The following PRC1 variants were observed in gnomAD, a reference collection of about 807,000 sequenced individuals.
The protein encoded by PRC1 is anaphase spindle elongation 1 homolog.
PRC1 carries 54 observed loss-of-function variants against 91.2 expected under a neutral mutation model. That is an observed-to-expected ratio of 0.59 (90% CI 0.48 to 0.74). The LOEUF (loss-of-function observed/expected upper bound fraction) is 0.74, where lower values mean the gene tolerates loss of function less well. PRC1 is among the 30% of genes least tolerant of loss of function. The probability of loss-of-function intolerance (pLI) is 0.00; values close to 1 mark genes in which losing one functional copy is unlikely to be tolerated. For synonymous variants in PRC1, 275 were observed against 263.6 expected, an observed-to-expected ratio of 1.04 and a Z score of -0.42; for missense variants, 727 against 746.2, an observed-to-expected ratio of 0.97 and a Z score of 0.30.
intron 1 of PRC1, among the ~76,000 whole-genome samples, chr15:90,989,364 T>C (rs1441271118): frequency 1.3e-5 from 2 of 151,644 alleles, no homozygotes; most frequent in Non-Finnish European, 2.9e-5. Context: ...TCTCCTACCT[T>C]AGTCTCCCAA....
At position 90,968,380 on chromosome 15, in the gene PRC1, G is replaced by GA. The variant is rs1380905826; in HGVS notation, c.1791+698dup. On this transcript the variant is annotated intron_variant, in intron 14 of 14. Transcript: ENST00000394249. ...CATTCTCTATCCCTGCAGCAATTAA[G>GA]AGGGGAGGCAGGCTAGGGGTTTAAC... is the stretch of plus-strand genomic sequence containing the variant. The GA allele has an allele frequency of 3.0e-6, 3 of 985,434 alleles. No individual in the cohort carries two copies. The African/African-American group carries it at 5.2e-5, about 17-fold the overall frequency. The allele number at this position is 985,434 out of a possible 1,614,324, so 61.0% of individuals were successfully genotyped here. A position where few individuals can be genotyped will look rare whatever the true frequency, so the allele number is the denominator to read the frequency against.
chr15:90,984,674 C>A lies in PRC1; in HGVS notation c.144+19G>T. 5 of 1,613,942 alleles carry A rather than the reference C, an allele frequency of 3.1e-6. No individual in the cohort carries two copies. Among genetic ancestry groups the A allele is most frequent in the Non-Finnish European group, 4.2e-6 (5 of 1,179,852 alleles). ...TCCTTACCCTGGTCCAATGCAGAGACCAGTACTATTCAACCCACCTTGATA... is the reference window on the plus strand; with the variant it reads ...TCCTTACCCTGGTCCAATGCAGAGAACAGTACTATTCAACCCACCTTGATA... On this transcript the variant is annotated intron_variant, in intron 2 of 14. Transcript: ENST00000394249. The surrounding 1 kb of genome is among the most constrained non-coding windows in gnomAD (Gnocchi z 5.1).
intron 7 of PRC1, 30 bp from the exon 8 acceptor site, chr15:90,979,324 C>G: frequency 6.3e-7 from 1 of 1,590,812 alleles, no homozygotes; most frequent in Non-Finnish European, 8.5e-7. Flanking sequence ...TAGTTTAAAA[C>G]AATTCCTCTA....
chr15:90,970,970 GGAGT>G (rs2038069318), intron 11 of PRC1, among the ~76,000 whole-genome samples: 1 of 152,206 alleles, frequency 6.6e-6, no homozygotes, highest in Non-Finnish European at 1.5e-5. Flanking sequence ...ACAATAAAAA[GGAGT>G]GACCTTTTGA....
chr15:90,968,280 G>A (rs528218844), intron 14 of PRC1: 20 of 985,478 alleles, frequency 2.0e-5, no homozygotes, highest in East Asian at 1.1e-4. Flanking sequence ...CACCAGCCAC[G>A]TAATTTGAAA....
chr15:90,973,487 G>A (rs1328964067), intron 11 of PRC1, among the ~76,000 whole-genome samples: 3 of 152,132 alleles, frequency 2.0e-5, no homozygotes, highest in Non-Finnish European at 4.4e-5. Context: ...CGTGGGAAGG[G>A]AAAGACCTGA....
At chr15:90,990,509 C>T (rs1372280950) in intron 1 of PRC1, among the ~76,000 whole-genome samples, 1 of 150,512 alleles carries the variant, frequency 6.6e-6, no homozygotes, top group Non-Finnish European at 1.5e-5. Flanking sequence ...TATAGGTGTG[C>T]GCCACCTTGC....
chr15:90,977,733 G>A (rs933956494), intron 8 of PRC1, among the ~76,000 whole-genome samples: 1 of 151,842 alleles, frequency 6.6e-6, no homozygotes, highest in Non-Finnish European at 1.5e-5. Context: ...ACAAGTGCCC[G>A]CCACCATGCC....
intron 1 of PRC1, among the ~76,000 whole-genome samples, chr15:90,990,043 A>G (rs1180130158): frequency 6.6e-6 from 1 of 152,042 alleles, no homozygotes; most frequent in Non-Finnish European, 1.5e-5. Flanking sequence ...CTTAAACAAT[A>G]AAATTTTTTT....
chr15:90,976,840 C>G (rs527552614), intron 8 of PRC1, 69 bp from the exon 9 acceptor site: 1 of 1,357,144 alleles, frequency 7.4e-7, no homozygotes, highest in Non-Finnish European at 1.0e-6. Flanking sequence ...TGCTAAGATT[C>G]TTTGTTCTCG....
Position 90,984,070 on chromosome 15 carries a change from C to T in PRC1, c.215G>A (p.Cys72Tyr), listed in dbSNP as rs2039405714. 6.2e-7 allele frequency: 1 copy of T among 1,614,040 alleles called. No homozygotes were observed. The highest frequency in any genetic ancestry group is 8.5e-7 in the Non-Finnish European group (1 of 1,180,038). ...KERLIKSISVCQKELNTLCSE... is the reference protein window; with the variant it reads ...KERLIKSISVYQKELNTLCSE... ...GCACAGAGTGTTCAGCTCTTTCTGA[C>T]AGACGGATATGCTTTTGATGAGTCT... is the stretch of plus-strand genomic sequence containing the variant. Residue 72 changes from cysteine (C) to tyrosine (Y), a missense_variant, in exon 3 of 15, where the codon TGT (cysteine) becomes TAT (tyrosine). Coordinates refer to ENST00000394249, the MANE Select transcript of PRC1 (RefSeq NM_003981.4). This position sits in a 1 kb window ranked among gnomAD's most constrained non-coding sequence, Gnocchi z 5.1.
chr15:90,969,594 C>G lies in PRC1; in HGVS notation c.1602G>C (p.Lys534Asn), dbSNP rs1474921290. 3 of 1,608,856 alleles carry G rather than the reference C, an allele frequency of 1.9e-6. No individual in the cohort carries two copies. The highest frequency in any genetic ancestry group is 2.7e-5 in the African/African-American group (2 of 74,592). Residue 534 changes from lysine (K) to asparagine (N), a missense_variant, in exon 13 of 15, where the codon AAG becomes AAC. Coordinates refer to ENST00000394249, the MANE Select transcript of PRC1 (RefSeq NM_003981.4). ...KPVAASTCSG[K>N]KTPRTGRHGA... Reference sequence around the variant, plus strand: ...CATGCCTGCCAGTACGGGGTGTTTTCTTCCCTGAACAGGTGGAAGCAGCGA... The same window carrying G: ...CATGCCTGCCAGTACGGGGTGTTTTGTTCCCTGAACAGGTGGAAGCAGCGA...
intron 1 of PRC1, among the ~76,000 whole-genome samples, chr15:90,993,354 G>A (rs73502776): frequency 0.017 from 2,608 of 151,774 alleles, 76 homozygotes; most frequent in African/African-American, 0.058. Flanking sequence ...GGGTACAGGC[G>A]CGCCACCAGG....
chr15:90,980,967 A>C lies in PRC1; in HGVS notation c.739T>G (p.Trp247Gly), dbSNP rs1235510731. 6.2e-7 allele frequency: 1 copy of C among 1,614,174 alleles called. No homozygotes were observed. The highest frequency in any genetic ancestry group is 1.7e-5 in the Admixed American group (1 of 60,016). ...EGLRTQIREL[W>G]DRLQIPEEER... is the part of the protein sequence containing the mutation. The stretch of plus-strand genomic sequence containing the variant: ...TCTTCAGGTATTTGCAACCTGTCCC[A>C]GAGCTCTCGGATTTGAGTACGCAGC... The change falls in exon 6 of 15, where the codon TGG becomes GGG. Residue 247 changes from tryptophan (W) to glycine (G), a missense_variant. By Grantham distance (184) the Trp-to-Gly change is radical. Coordinates refer to ENST00000394249, the MANE Select transcript of PRC1 (RefSeq NM_003981.4).
chr15:90,984,951 G>A lies in PRC1; in HGVS notation c.12-126C>T. 8.2e-7 allele frequency: 1 copy of A among 1,221,364 alleles called. No individual in the cohort carries two copies. Among genetic ancestry groups the A allele is most frequent in the Admixed American group, 2.5e-5 (1 of 40,172 alleles). The allele number at this position is 1,221,364 out of a possible 1,614,324, so 75.7% of individuals were successfully genotyped here. A position where few individuals can be genotyped will look rare whatever the true frequency, so the allele number is the denominator to read the frequency against. ...CGAGAAAAAAACAAATTGAAAACAA[G>A]CATTCAGCTTAATTCACCTTTAACC... On this transcript the variant is annotated intron_variant, in intron 1 of 14. Coordinates refer to ENST00000394249, the MANE Select transcript of PRC1 (RefSeq NM_003981.4). The surrounding 1 kb of genome is among the most constrained non-coding windows in gnomAD (Gnocchi z 5.1).
chr15:90,973,483 A>G (rs1338353193), intron 11 of PRC1, among the ~76,000 whole-genome samples: 1 of 152,092 alleles, frequency 6.6e-6, no homozygotes, highest in Non-Finnish European at 1.5e-5. Flanking sequence ...GCCTCGTGGG[A>G]AGGGAAAGAC....
chr15:90,968,047 T>C lies in PRC1; in HGVS notation c.1792-845A>G, dbSNP rs185371170. On this transcript the variant is annotated intron_variant, in intron 14 of 14. Coordinates refer to ENST00000394249, the MANE Select transcript of PRC1 (RefSeq NM_003981.4). ...GAATGGCTATTGAGAAAGACAGATATTAGCAGAGGTTAGTTTACCGGCTTT... is the reference window on the plus strand; with the variant it reads ...GAATGGCTATTGAGAAAGACAGATACTAGCAGAGGTTAGTTTACCGGCTTT... The C allele has an allele frequency of 8.1e-6, 8 of 985,250 alleles. No homozygotes were observed. In the East Asian group the frequency reaches 7.9e-4, roughly 98 times the overall value. 61.0% of individuals were successfully genotyped at this position (985,250 alleles called of 1,614,324 possible).
At chr15:90,978,573 G>A (rs1437609389) in intron 8 of PRC1, among the ~76,000 whole-genome samples, 2 of 151,972 alleles carry the variant, frequency 1.3e-5, no homozygotes, top group African/African-American at 2.4e-5. Context: ...CCAACATGGT[G>A]AAACCCCATC....
intron 1 of PRC1, chr15:90,985,669 C>G (rs1282324691): frequency 6.6e-6 from 1 of 151,910 alleles, no homozygotes; most frequent in African/African-American, 2.4e-5. Context: ...AGTGATTCTC[C>G]TGCTTCAGCC....
Sources: allele counts gnomAD v4.1 joint callset (sites outside exome capture counted in the v4.1 genomes callset), GRCh38; gene constraint gnomAD v4.1.1; non-coding constraint Gnocchi (gnomAD v3.1); transcripts MANE v1.5; gene names NCBI Gene and HGNC (gene_info 2026-07-23, HGNC 2026-07-21).